Variants in ZBTB20 observed in about 807,000 individuals in gnomAD.
ZBTB20 encodes zinc finger and BTB domain-containing protein 20.
Under a neutral mutation model 56.9 loss-of-function variants are expected in ZBTB20, and 9 were observed. The ratio of observed to expected loss-of-function variants is 0.16; its 90% CI spans 0.10 to 0.28. The LOEUF (loss-of-function observed/expected upper bound fraction) is 0.28, where lower values mean the gene tolerates loss of function less well. Ranked by LOEUF, ZBTB20 falls within the 10% of genes least tolerant of loss-of-function variation. The pLI is 1.00. For missense variants in ZBTB20, 655 were observed against 1,003.0 expected (o/e 0.65, Z 4.69); for synonymous variants, 417 against 420.7 (o/e 0.99, Z 0.11).
At chr3:114,548,452 T>C (rs2050162736) in intron 6 of ZBTB20, among the ~76,000 whole-genome samples, 1 of 152,168 alleles carries the variant, frequency 6.6e-6, no homozygotes, top group African/African-American at 2.4e-5. Flanking sequence ...TCTACAGGTG[T>C]GCCAAAAGGA....
intron 6 of ZBTB20, among the ~76,000 whole-genome samples, chr3:114,592,637 G>C (rs754543647): frequency 8.5e-5 from 13 of 152,154 alleles, no homozygotes; most frequent in Non-Finnish European, 1.8e-4. Context: ...GCAAGAGTCT[G>C]AATTTCTATA....
intron 10 of ZBTB20, among the ~76,000 whole-genome samples, chr3:114,374,069 G>T (rs1222886707): frequency 6.6e-6 from 1 of 151,944 alleles, no homozygotes; most frequent in Admixed American, 6.6e-5. Flanking sequence ...TATAAGTGCT[G>T]GACTAAGCAC....
intron 10 of ZBTB20, among the ~76,000 whole-genome samples, chr3:114,365,294 C>T (rs1346480477): frequency 6.6e-6 from 1 of 152,162 alleles, no homozygotes; most frequent in African/African-American, 2.4e-5. Flanking sequence ...TCATTTAATC[C>T]TCTATTCATT....
At chr3:114,915,544 A>C (rs1349155025) in intron 3 of ZBTB20, among the ~76,000 whole-genome samples, 1 of 151,396 alleles carries the variant, frequency 6.6e-6, no homozygotes, top group African/African-American at 2.4e-5. Flanking sequence ...TTTTCATTTC[A>C]CTGATCTTTT....
At chr3:114,812,584 C>T (rs1202398638) in intron 4 of ZBTB20, among the ~76,000 whole-genome samples, 1 of 152,236 alleles carries the variant, frequency 6.6e-6, no homozygotes, top group Non-Finnish European at 1.5e-5. Flanking sequence ...CTTAGCTAGA[C>T]ATAAAGGCTC....
At chr3:114,482,169 C>CA in intron 7 of ZBTB20, among the ~76,000 whole-genome samples, 1 of 152,256 alleles carries the variant, frequency 6.6e-6, no homozygotes, top group South Asian at 2.1e-4. Flanking sequence ...GCAAGGAAGA[C>CA]ATGACAAAGG....
In ZBTB20 at chr3:115,139,586, T is replaced by G. The variant is rs372080113; in HGVS notation, c.-703+7633A>C. 2.3e-3 allele frequency among the ~76,000 whole-genome samples: 353 copies of G among 152,198 alleles called. 1 individual carries two copies. Among genetic ancestry groups the G allele is most frequent in the African/African-American group, 8.3e-3 (347 of 41,576 alleles). On this transcript the variant is annotated intron_variant, in intron 1 of 11. Transcript: ENST00000675478. ...GTTAAAAATTACCAATTTTATAAGA[T>G]CTGCATGGAGGTGGTTCCTGATTAC...
intron 6 of ZBTB20, among the ~76,000 whole-genome samples, chr3:114,586,818 T>C (rs2055215594): frequency 6.6e-6 from 1 of 152,072 alleles, no homozygotes; most frequent in African/African-American, 2.4e-5. Context: ...CAGCACATGT[T>C]CCTTTCCATC....
chr3:115,124,550 A>G (rs562074226), intron 1 of ZBTB20, among the ~76,000 whole-genome samples: 1 of 152,320 alleles, frequency 6.6e-6, no homozygotes, highest in South Asian at 2.1e-4. Flanking sequence ...AAAACTCAAG[A>G]AACAAATTGT....
chr3:114,546,038 C>T (rs568234882), intron 6 of ZBTB20, among the ~76,000 whole-genome samples: 2 of 152,208 alleles, frequency 1.3e-5, no homozygotes, highest in African/African-American at 4.8e-5. Context: ...TTTTGAGATC[C>T]ATAAGTACAG....
intron 4 of ZBTB20, among the ~76,000 whole-genome samples, chr3:114,832,952 T>G (rs1375922716): frequency 1.3e-5 from 2 of 152,166 alleles, no homozygotes; most frequent in African/African-American, 4.8e-5. Context: ...TTAAATGATA[T>G]TTAACTCTCA....
intron 6 of ZBTB20, among the ~76,000 whole-genome samples, chr3:114,534,917 A>G (rs1293790425): frequency 6.6e-6 from 1 of 152,226 alleles, no homozygotes; most frequent in Non-Finnish European, 1.5e-5. Flanking sequence ...ATTAAGGCAG[A>G]AATAAATAAG....
intron 6 of ZBTB20, among the ~76,000 whole-genome samples, chr3:114,586,859 A>T (rs2055219974): frequency 6.6e-6 from 1 of 151,220 alleles, no homozygotes; most frequent in Non-Finnish European, 1.5e-5. Context: ...TCAATATTAC[A>T]AAAGATGAAG....
intron 5 of ZBTB20, among the ~76,000 whole-genome samples, chr3:114,694,291 T>C (rs2062868912): frequency 6.6e-6 from 1 of 152,090 alleles, no homozygotes; most frequent in African/African-American, 2.4e-5. Context: ...CAACAAAGTC[T>C]TTAAATATTA....
chr3:114,879,259 T>C (rs550566257), intron 4 of ZBTB20, among the ~76,000 whole-genome samples: 1 of 152,290 alleles, frequency 6.6e-6, no homozygotes, highest in Admixed American at 6.5e-5. Flanking sequence ...TCTTGAAGCA[T>C]GTCTGATTTT....
intron 6 of ZBTB20, among the ~76,000 whole-genome samples, chr3:114,568,125 G>T (rs1339100779): frequency 1.3e-5 from 2 of 152,120 alleles, no homozygotes; most frequent in Non-Finnish European, 2.9e-5. Context: ...CTTTCTCTTC[G>T]CTGCCTTTCT....
chr3:114,512,849 A>G (rs2045565277), intron 6 of ZBTB20, among the ~76,000 whole-genome samples: 1 of 152,146 alleles, frequency 6.6e-6, no homozygotes, highest in Admixed American at 6.6e-5. Flanking sequence ...CACACAAGTT[A>G]CTGGTCTCCC....
chr3:115,066,765 CAA>C (rs955589339), intron 2 of ZBTB20, among the ~76,000 whole-genome samples: 1 of 151,998 alleles, frequency 6.6e-6, no homozygotes, highest in Admixed American at 6.6e-5. Context: ...ATCAGAAAAT[CAA>C]AAGTCTCCTC....
chr3:115,079,102 C>T (rs1451580432), intron 1 of ZBTB20, among the ~76,000 whole-genome samples: 1 of 152,248 alleles, frequency 6.6e-6, no homozygotes, highest in South Asian at 2.1e-4. Context: ...ATTTATTCCA[C>T]ATAAACTTAT....
Sources: gnomAD v4.1 joint callset for allele counts (sites outside exome capture counted in the v4.1 genomes callset) on GRCh38, gnomAD v4.1.1 for gene constraint, MANE v1.5 for transcripts, NCBI Gene and HGNC (gene_info 2026-07-23, HGNC 2026-07-21) for gene names.